Variants in TPD52L1 observed in about 807,000 individuals in gnomAD.
TPD52L1 encodes TPD52 like 1.
In TPD52L1, 18 loss-of-function variants were observed where a neutral mutation model predicts 28.7. That is an observed-to-expected ratio of 0.63 (90% CI 0.43 to 0.93). The LOEUF is 0.93. Ranked by LOEUF, TPD52L1 falls within the 40% of genes least tolerant of loss-of-function variation. The pLI is 0.00. For synonymous variants in TPD52L1, 75 were observed against 88.8 expected, an observed-to-expected ratio of 0.84 and a Z score of 0.88; for missense variants, 203 against 254.8, an observed-to-expected ratio of 0.80 and a Z score of 1.39.
At chr6:125,236,159 G>T (rs1053278799) in intron 3 of TPD52L1, among the ~76,000 whole-genome samples, 1 of 152,084 alleles carries the variant, frequency 6.6e-6, no homozygotes, top group African/African-American at 2.4e-5. Flanking sequence ...AATCTGAAGG[G>T]ATTTAGCTCC....
chr6:125,257,593 C>G (rs1797681998), intron 6 of TPD52L1, among the ~76,000 whole-genome samples: 1 of 152,178 alleles, frequency 6.6e-6, no homozygotes, highest in Admixed American at 6.6e-5. Flanking sequence ...CGTCAGCTAC[C>G]TAGACTTGTT....
At chr6:125,204,864 C>A (rs1406579193) in intron 1 of TPD52L1, among the ~76,000 whole-genome samples, 2 of 152,140 alleles carry the variant, frequency 1.3e-5, no homozygotes, top group South Asian at 2.1e-4. Context: ...ATTTATTGAA[C>A]ACCTAGTGTG....
intron 1 of TPD52L1, among the ~76,000 whole-genome samples, chr6:125,205,608 C>T (rs1227369190): frequency 1.3e-5 from 2 of 152,126 alleles, no homozygotes; most frequent in African/African-American, 4.8e-5. Context: ...TATGTATATT[C>T]CTGAAACCTT....
In TPD52L1 at chr6:125,261,014, GAAAGAAAAGA is replaced by G. The variant is rs1562411822; in HGVS notation, c.487-1812_487-1803del. 243 of 43,030 alleles carry G rather than the reference GAAAGAAAAGA, an allele frequency of 5.6e-3. 28 individuals are homozygous for G. The highest frequency in any genetic ancestry group is 0.028 in the African/African-American group (174 of 6,232). The allele number at this position is 43,030 out of a possible 1,614,324, so 2.7% of individuals were successfully genotyped here. A position where few individuals can be genotyped will look rare whatever the true frequency, so the allele number is the denominator to read the frequency against. On this transcript the variant is annotated intron_variant, in intron 6 of 6. Coordinates refer to ENST00000534000, the MANE Select transcript of TPD52L1 (RefSeq NM_003287.4). Reference sequence around the variant, plus strand: ...AGAAAGAAAGAAAGAAAGAAAGAAAGAAAGAAAAGAAAAGAAAGAAAGAAAGAAAGAAAGA... The same window carrying G: ...AGAAAGAAAGAAAGAAAGAAAGAAAGAAAGAAAGAAAGAAAGAAAGAAAGA...
intron 1 of TPD52L1, among the ~76,000 whole-genome samples, chr6:125,204,637 G>A (rs1328420905): frequency 6.6e-6 from 1 of 151,990 alleles, no homozygotes; most frequent in Admixed American, 6.5e-5. Context: ...CCGCCGTCAC[G>A]CCCGGGTAAC....
chr6:125,222,014 C>A (rs1016120150), intron 2 of TPD52L1: 1 of 152,190 alleles, frequency 6.6e-6, no homozygotes, highest in African/African-American at 2.4e-5. Flanking sequence ...TGTATCTTTG[C>A]GATTTTTCTT....
chr6:125,170,070 A>G (rs1791186427), intron 1 of TPD52L1, among the ~76,000 whole-genome samples: 1 of 152,068 alleles, frequency 6.6e-6, no homozygotes, highest in Non-Finnish European at 1.5e-5. Flanking sequence ...TACTACCCTT[A>G]GATCTGGCAA....
intron 2 of TPD52L1, among the ~76,000 whole-genome samples, chr6:125,225,797 G>T (rs1182830925): frequency 2.0e-5 from 3 of 152,132 alleles, no homozygotes; most frequent in African/African-American, 7.2e-5. Flanking sequence ...GAATCTCTGA[G>T]GATGCTTGCT....
intron 1 of TPD52L1, chr6:125,203,758 C>T (rs781710580): frequency 1.7e-5 from 17 of 985,308 alleles, no homozygotes; most frequent in Non-Finnish European, 1.8e-5. Context: ...TACACAGACC[C>T]TGGAGGAACC....
intron 3 of TPD52L1, among the ~76,000 whole-genome samples, chr6:125,244,780 G>A (rs1019993201): frequency 7.2e-5 from 11 of 152,096 alleles, no homozygotes; most frequent in South Asian, 2.1e-4. Context: ...GATGCCTGCC[G>A]TTTGGGGTAG....
chr6:125,250,037 G>A (rs191650833), intron 4 of TPD52L1, among the ~76,000 whole-genome samples: 62 of 152,076 alleles, frequency 4.1e-4, no homozygotes, highest in South Asian at 1.0e-3. Flanking sequence ...TTTTAACGGC[G>A]TTATAACATT....
chr6:125,248,025 G>A (rs1050399678), intron 3 of TPD52L1, among the ~76,000 whole-genome samples: 1 of 152,210 alleles, frequency 6.6e-6, no homozygotes, highest in South Asian at 2.1e-4. Flanking sequence ...TGTCATGAAA[G>A]AGCTGCACAT....
At chr6:125,192,752 G>T (rs182631316) in intron 1 of TPD52L1, among the ~76,000 whole-genome samples, 139 of 152,254 alleles carry the variant, frequency 9.1e-4, no homozygotes, top group Non-Finnish European at 1.7e-3. Context: ...TTGGTGGCGG[G>T]CCTGAGTCTG....
chr6:125,209,613 T>C (rs1794371197), intron 1 of TPD52L1, among the ~76,000 whole-genome samples: 1 of 152,142 alleles, frequency 6.6e-6, no homozygotes, highest in African/African-American at 2.4e-5. Context: ...GTAGCTACAG[T>C]TCCATCTGTC....
At chr6:125,170,355 G>A (rs1014807189) in intron 1 of TPD52L1, among the ~76,000 whole-genome samples, 14 of 150,684 alleles carry the variant, frequency 9.3e-5, no homozygotes, top group Non-Finnish European at 5.9e-5. Flanking sequence ...AGGAAACACC[G>A]AGATTAGGTT....
intron 1 of TPD52L1, among the ~76,000 whole-genome samples, chr6:125,169,753 C>T (rs1791155856): frequency 1.3e-5 from 2 of 152,276 alleles, no homozygotes; most frequent in South Asian, 4.1e-4. Flanking sequence ...TGCCTTCACT[C>T]CATTCTCAAC....
At chr6:125,170,033 G>GT (rs954479499) in intron 1 of TPD52L1, among the ~76,000 whole-genome samples, 2 of 151,968 alleles carry the variant, frequency 1.3e-5, no homozygotes, top group East Asian at 1.9e-4. Flanking sequence ...ACTTTCTTTG[G>GT]TTTTTTACCT....
At chr6:125,198,158 C>T (rs1031292692) in intron 1 of TPD52L1, among the ~76,000 whole-genome samples, 2 of 152,154 alleles carry the variant, frequency 1.3e-5, no homozygotes, top group African/African-American at 4.8e-5. Flanking sequence ...TGTCTACCTT[C>T]AGGGACAGAG....
At chr6:125,247,638 G>A (rs938701599) in intron 3 of TPD52L1, among the ~76,000 whole-genome samples, 1 of 152,054 alleles carries the variant, frequency 6.6e-6, no homozygotes, top group Admixed American at 6.5e-5. Flanking sequence ...AGAGACCAGG[G>A]ACACAAAGAT....
Sources: gnomAD v4.1 joint callset for allele counts (sites outside exome capture counted in the v4.1 genomes callset) on GRCh38, gnomAD v4.1.1 for gene constraint, MANE v1.5 for transcripts, NCBI Gene and HGNC (gene_info 2026-07-23, HGNC 2026-07-21) for gene names.